Variants in GRAMD4 observed in about 807,000 individuals in gnomAD.
GRAMD4 encodes GRAM domain containing 4.
GRAMD4 carries 25 observed loss-of-function variants against 83.9 expected under a neutral mutation model. The observed-to-expected ratio is 0.30, with a 90% confidence interval of 0.22 to 0.42. GRAMD4 has a LOEUF of 0.42. Ranked by LOEUF, GRAMD4 falls within the 10% of genes least tolerant of loss-of-function variation. The pLI is 1.00. For missense variants in GRAMD4, 593 were observed against 788.7 expected (o/e 0.75, Z 2.97); for synonymous variants, 336 against 320.9 (o/e 1.05, Z -0.50).
chr22:46,662,019 T>C (rs2082334930), intron 5 of GRAMD4, among the ~76,000 whole-genome samples: 1 of 152,236 alleles, frequency 6.6e-6, no homozygotes, highest in Admixed American at 6.5e-5. Context: ...TTAAATGGTT[T>C]CATTTCATGA....
rs923918809 is a variant in GRAMD4 at position 46,638,433 on chromosome 22, G to A, written c.283+473G>A. Among the ~76,000 whole-genome samples the A allele has an allele frequency of 5.9e-5, 9 of 152,358 alleles. 1 individual carries two copies. The highest frequency in any genetic ancestry group is 6.5e-5 in the Admixed American group (1 of 15,306). ...GGGAGGTGGGGCAGTAGGCTCTGGC[G>A]TCCACTGGCCTTGGCCAGGCGTGCC... is the stretch of plus-strand genomic sequence containing the variant. On this transcript the variant is annotated intron_variant, in intron 3 of 18. Coordinates refer to ENST00000406902, the MANE Select transcript of GRAMD4 (RefSeq NM_015124.5).
intron 1 of GRAMD4, among the ~76,000 whole-genome samples, chr22:46,600,836 C>T (rs554369066): frequency 8.9e-4 from 136 of 152,302 alleles, no homozygotes; most frequent in African/African-American, 3.2e-3. Context: ...AATAACATGT[C>T]TTTCTTTAAA....
At position 46,659,826 on chromosome 22, in the gene GRAMD4, G is replaced by A. The variant is rs866739563; in HGVS notation, c.404+1519G>A. The stretch of plus-strand genomic sequence containing the variant: ...GACCAGAAATGGGTGCATGGGCCTC[G>A]GCAGGCGCTTTACCTGATGCTGAAC... On this transcript the variant is annotated intron_variant, in intron 4 of 18. Coordinates refer to ENST00000406902, the MANE Select transcript of GRAMD4 (RefSeq NM_015124.5). This position sits in a 1 kb window ranked among gnomAD's most constrained non-coding sequence, Gnocchi z 4.1. 9.9e-5 allele frequency among the ~76,000 whole-genome samples: 15 copies of A among 152,164 alleles called. No homozygotes were observed. The highest frequency in any genetic ancestry group is 3.6e-4 in the African/African-American group (15 of 41,428).
intron 3 of GRAMD4, among the ~76,000 whole-genome samples, chr22:46,638,164 C>T (rs2081919786): frequency 6.6e-6 from 1 of 152,242 alleles, no homozygotes; most frequent in African/African-American, 2.4e-5. Flanking sequence ...TGTGTTTGAG[C>T]CTCCCTTGCG....
At chr22:46,638,518 G>A (rs948148377) in intron 3 of GRAMD4, among the ~76,000 whole-genome samples, 1 of 152,210 alleles carries the variant, frequency 6.6e-6, no homozygotes, top group South Asian at 2.1e-4. Flanking sequence ...TACAGGAGGG[G>A]CTCGCAGGCT....
chr22:46,648,357 G>GATGA (rs1240425670), intron 3 of GRAMD4, among the ~76,000 whole-genome samples: 10 of 137,932 alleles, frequency 7.2e-5, no homozygotes, highest in African/African-American at 1.7e-4. Context: ...TGGATGGATG[G>GATGA]ATGAATGGGT....
intron 1 of GRAMD4, among the ~76,000 whole-genome samples, chr22:46,601,007 G>A (rs2081307134): frequency 6.6e-6 from 1 of 152,106 alleles, no homozygotes; most frequent in South Asian, 2.1e-4. Context: ...AGCCAGACAT[G>A]GTGGCAGGTG....
At chr22:46,634,609 G>A (rs1249474468) in intron 2 of GRAMD4, among the ~76,000 whole-genome samples, 1 of 152,196 alleles carries the variant, frequency 6.6e-6, no homozygotes, top group South Asian at 2.1e-4. Context: ...CAAGCAGGTA[G>A]TGCGTGGCCA....
chr22:46,674,863 G>T, intron 16 of GRAMD4, 113 bp downstream of exon 16: 1 of 767,818 alleles, frequency 1.3e-6, no homozygotes. Context: ...TGGTGGCCAT[G>T]GCCTCTCCCA....
upstream of GRAMD4, among the ~76,000 whole-genome samples, chr22:46,617,991 A>G (rs1383051530): frequency 6.6e-6 from 1 of 152,196 alleles, no homozygotes; most frequent in Non-Finnish European, 1.5e-5. Context: ...GGCAGAGTCC[A>G]TGGGTGTCCC....
chr22:46,643,336 C>CATCCATCCATCCATGCATCT lies in GRAMD4; in HGVS notation c.283+5390_283+5391insGCATCTATCCATCCATCCAT, dbSNP rs2147253602. Among the ~76,000 whole-genome samples, 3 of 7,524 alleles carry CATCCATCCATCCATGCATCT rather than the reference C, an allele frequency of 4.0e-4. No individual in the cohort carries two copies. The South Asian group carries it at 7.1e-3, about 18-fold the overall frequency. The allele number at this position is 7,524 out of a possible 152,430, so 4.9% of individuals were successfully genotyped here. On this transcript the variant is annotated intron_variant, in intron 3 of 18. Coordinates refer to ENST00000406902, the MANE Select transcript of GRAMD4 (RefSeq NM_015124.5). ...CCATCCATCCATCCATGCATCTATC[C>CATCCATCCATCCATGCATCT]ATCCATCCATCCATCCATCTATTTA...
rs938863442 is a variant in GRAMD4 at position 46,620,950 on chromosome 22, C to T, written c.-50+385C>T. 6.6e-6 allele frequency among the ~76,000 whole-genome samples: 1 copy of T among 152,074 alleles called. No individual in the cohort carries two copies. The highest frequency in any genetic ancestry group is 6.5e-5 in the Admixed American group (1 of 15,272). On this transcript the variant is annotated intron_variant, in intron 1 of 18. Coordinates refer to ENST00000406902, the MANE Select transcript of GRAMD4 (RefSeq NM_015124.5). This position sits in a 1 kb window ranked among gnomAD's most constrained non-coding sequence, Gnocchi z 4.7. ...AGGGAGGAGGCCGATCTGAGAGGGC[C>T]GCATGGCTCGGAGTTGCAGGGGCCC...
intron 1 of GRAMD4, among the ~76,000 whole-genome samples, chr22:46,597,936 A>G (rs1344452404): frequency 6.6e-6 from 1 of 152,088 alleles, no homozygotes; most frequent in Admixed American, 6.6e-5. Context: ...AGCACTGTAC[A>G]AGGTGGCATT....
rs566570291 is a variant in GRAMD4 at position 46,593,931 on chromosome 22, G to C, written c.-50+16641G>C. Reference sequence around the variant, plus strand: ...AGTAGAGATGGGGTTTCATCATGTTGGCAGGATAGTCTTGAACTCCTGACC... The same window carrying C: ...AGTAGAGATGGGGTTTCATCATGTTCGCAGGATAGTCTTGAACTCCTGACC... On this transcript the variant is annotated intron_variant, in intron 1 of 1. Coordinates refer to the GRAMD4 transcript ENST00000431155. Among the ~76,000 whole-genome samples the C allele has an allele frequency of 3.6e-3, 545 of 151,852 alleles. 3 individuals are homozygous for C. Among genetic ancestry groups the C allele is most frequent in the African/African-American group, 0.013 (524 of 41,358 alleles).
intron 2 of GRAMD4, among the ~76,000 whole-genome samples, chr22:46,634,970 T>C (rs1457383980): frequency 2.0e-5 from 3 of 151,436 alleles, no homozygotes; most frequent in African/African-American, 7.3e-5. Flanking sequence ...GAAATCATAA[T>C]AGAAAACATT....
At position 46,663,026 on chromosome 22, in the gene GRAMD4, C is replaced by T; in HGVS notation, c.467-14C>T. ...AGCCCTGCCGTGCCCTCACCGGGTC[C>T]CTGCCCCCTGCAGAGCGCCGGAGCC... On this transcript the variant is annotated splice_polypyrimidine_tract_variant and intron_variant, in intron 5 of 18. Coordinates refer to ENST00000406902, the MANE Select transcript of GRAMD4 (RefSeq NM_015124.5). 6.3e-7 allele frequency: 1 copy of T among 1,598,568 alleles called. No individual in the cohort carries two copies. The highest frequency in any genetic ancestry group is 8.5e-7 in the Non-Finnish European group (1 of 1,170,864).
Position 46,679,542 on chromosome 22 carries a change from CTG to C in GRAMD4, c.*2294_*2295del, listed in dbSNP as rs1309815717. 2 of 985,358 alleles carry C rather than the reference CTG, an allele frequency of 2.0e-6. No homozygotes were observed. Among genetic ancestry groups the C allele is most frequent in the African/African-American group, 3.5e-5 (2 of 57,242 alleles). 61.0% of individuals were successfully genotyped at this position (985,358 alleles called of 1,614,324 possible). A position where few individuals can be genotyped will look rare whatever the true frequency, so the allele number is the denominator to read the frequency against. Reference sequence around the variant, plus strand: ...GTACATCTGGGCAGATGTTTAATTTCTGTGACTAATCACTGAACTAGACGAAT... The same window carrying C: ...GTACATCTGGGCAGATGTTTAATTTCTGACTAATCACTGAACTAGACGAAT... On this transcript the variant is annotated 3_prime_UTR_variant, in exon 19 of 19. Coordinates refer to ENST00000406902, the MANE Select transcript of GRAMD4 (RefSeq NM_015124.5).
rs568151625 is a variant in GRAMD4 at position 46,679,654 on chromosome 22, T to C, written c.*2403T>C. On this transcript the variant is annotated 3_prime_UTR_variant, in exon 19 of 19. Coordinates refer to ENST00000406902, the MANE Select transcript of GRAMD4 (RefSeq NM_015124.5). Reference sequence around the variant, plus strand: ...GTGTGACTTTTGTTCAACAAAAGGATTGTACTGTATTAAGAACCGATGAAA... The same window carrying C: ...GTGTGACTTTTGTTCAACAAAAGGACTGTACTGTATTAAGAACCGATGAAA... 3.3e-5 allele frequency: 32 copies of C among 982,740 alleles called. No homozygotes were observed. The highest frequency in any genetic ancestry group is 6.1e-5 in the Admixed American group (1 of 16,292). The allele number at this position is 982,740 out of a possible 1,614,324, so 60.9% of individuals were successfully genotyped here.
Position 46,672,531 on chromosome 22 carries a change from G to A in GRAMD4, c.1085-312G>A, listed in dbSNP as rs1403581332. Among the ~76,000 whole-genome samples the A allele has an allele frequency of 3.9e-5, 6 of 152,030 alleles. No homozygotes were observed. Among genetic ancestry groups the A allele is most frequent in the South Asian group, 4.2e-4 (2 of 4,798 alleles). On this transcript the variant is annotated intron_variant, in intron 13 of 18. Coordinates refer to ENST00000406902, the MANE Select transcript of GRAMD4 (RefSeq NM_015124.5). This position sits in a 1 kb window ranked among gnomAD's most constrained non-coding sequence, Gnocchi z 4.7. ...GGTCAAGAACAGCCCTGAGCCAGGCGGAGTTGGAGAGAGAAGTGAGGGGCA... is the reference window on the plus strand; with the variant it reads ...GGTCAAGAACAGCCCTGAGCCAGGCAGAGTTGGAGAGAGAAGTGAGGGGCA...
Sources: allele counts gnomAD v4.1 joint callset (sites outside exome capture counted in the v4.1 genomes callset), GRCh38; gene constraint gnomAD v4.1.1; non-coding constraint Gnocchi (gnomAD v3.1); transcripts MANE v1.5; gene names NCBI Gene and HGNC (gene_info 2026-07-23, HGNC 2026-07-21).